The following FGF13 variants were observed in gnomAD, a reference collection of about 807,000 sequenced individuals.
FGF13 encodes fibroblast growth factor 13.
In FGF13, 2 loss-of-function variants were observed where a neutral mutation model predicts 19.5. The ratio of observed to expected loss-of-function variants is 0.10; its 90% CI spans 0.04 to 0.32. The LOEUF is 0.32. Ranked by LOEUF, FGF13 falls within the 10% of genes least tolerant of loss-of-function variation. The pLI is 1.00. For missense variants in FGF13, 113 were observed against 192.7 expected, an observed-to-expected ratio of 0.59 and a Z score of 2.45; for synonymous variants, 72 against 76.9, an observed-to-expected ratio of 0.94 and a Z score of 0.33.
At position 138,708,852 on chromosome X, in the gene FGF13, G is replaced by A. The variant is rs761994240; in HGVS notation, c.264C>T (p.Thr88=). The A allele has an allele frequency of 6.6e-6, 8 of 1,209,718 alleles. No individual in the cohort carries two copies. The highest frequency in any genetic ancestry group is 9.0e-6 in the Non-Finnish European group (8 of 893,780). ...GYHLQLQADG[T]IDGTKDEDST... is the part of the protein sequence containing the mutation. The stretch of plus-strand genomic sequence containing the variant: ...TGTCCTCATCTTTGGTGCCATCAAT[G>A]GTTCCATCCGCCTGCAGCTGCAAGT... The change falls in exon 2 of 5, where the codon ACC becomes ACT. Residue 88 remains threonine (T), a synonymous_variant. Transcript: ENST00000315930.
At chrX:139,134,070 T>C (rs2083781832) in intron 1 of FGF13, among the ~76,000 whole-genome samples, 1 of 111,507 alleles carries the variant, frequency 9.0e-6, no homozygotes, top group Non-Finnish European at 1.9e-5. Context: ...TTTCCATTTT[T>C]CCCACCTGGC....
chrX:138,876,466 T>TA (rs1432106242), intron 1 of FGF13, among the ~76,000 whole-genome samples: 14 of 112,199 alleles, frequency 1.2e-4, no homozygotes, highest in African/African-American at 4.5e-4. Flanking sequence ...CTTCAGGCCT[T>TA]AAAAAAGTAA....
At chrX:138,681,166 C>CAA (rs759043580) in intron 3 of FGF13, among the ~76,000 whole-genome samples, 2 of 40,843 alleles carry the variant, frequency 4.9e-5, no homozygotes, top group East Asian at 6.6e-4. Flanking sequence ...AGAGTGAGAC[C>CAA]AAAAAAAAAA....
intron 1 of FGF13, among the ~76,000 whole-genome samples, chrX:138,919,569 G>T (rs970745787): frequency 5.4e-5 from 6 of 111,700 alleles, no homozygotes; most frequent in Non-Finnish European, 1.1e-4. Flanking sequence ...CAACAACTTG[G>T]ATACATCTGA....
intron 1 of FGF13, among the ~76,000 whole-genome samples, chrX:139,153,208 G>C (rs1420970525): frequency 9.0e-6 from 1 of 111,048 alleles, no homozygotes; most frequent in African/African-American, 3.3e-5. Context: ...TCTACAGACA[G>C]CCAAGAATTC....
At chrX:138,836,238 T>A (rs1428619934) in intron 3 of FGF13, among the ~76,000 whole-genome samples, 1 of 112,141 alleles carries the variant, frequency 8.9e-6, no homozygotes, top group Non-Finnish European at 1.9e-5. Flanking sequence ...CCTCTCAAGC[T>A]AGGCTGGAGA....
At chrX:139,098,259 A>G (rs920381091) in intron 1 of FGF13, among the ~76,000 whole-genome samples, 57 of 111,646 alleles carry the variant, frequency 5.1e-4, no homozygotes, top group African/African-American at 1.7e-3. Context: ...ATAGGGTAGC[A>G]CATCTGTTTT....
At chrX:138,921,874 C>T (rs746699809) in intron 1 of FGF13, among the ~76,000 whole-genome samples, 14 of 106,080 alleles carry the variant, frequency 1.3e-4, no homozygotes, top group Non-Finnish European at 1.9e-4. Context: ...GAGGTAGAAC[C>T]CATGCTTCAG....
At chrX:138,723,915 T>TTTC in intron 1 of FGF13, among the ~76,000 whole-genome samples, 1 of 111,708 alleles carries the variant, frequency 9.0e-6, no homozygotes, top group Middle Eastern at 4.6e-3. Flanking sequence ...ACAACACTCC[T>TTTC]ATGAGGTAGG....
Position 138,895,340 on chromosome X carries a change from T to C in FGF13, c.-112-30690A>G, listed in dbSNP as rs190071352. On this transcript the variant is annotated intron_variant, in intron 1 of 2. Coordinates refer to the FGF13 transcript ENST00000421460. Reference sequence around the variant, plus strand: ...TTATCTGATGGGTTAATATCTAAAATGTATAGGGAATTCATACAAACAAAA... The same window carrying C: ...TTATCTGATGGGTTAATATCTAAAACGTATAGGGAATTCATACAAACAAAA... Among the ~76,000 whole-genome samples the C allele has an allele frequency of 2.9e-3, 325 of 112,054 alleles. 1 individual carries two copies. The highest frequency in any genetic ancestry group is 0.01 in the African/African-American group (316 of 30,823).
At chrX:138,805,237 T>A (rs1218250596) in intron 3 of FGF13, among the ~76,000 whole-genome samples, 4 of 111,725 alleles carry the variant, frequency 3.6e-5, no homozygotes, top group Non-Finnish European at 7.5e-5. Flanking sequence ...AAAATAAATA[T>A]ACAAGGTAAT....
chrX:138,773,234 C>T (rs2090562263), intron 3 of FGF13, among the ~76,000 whole-genome samples: 1 of 111,073 alleles, frequency 9.0e-6, no homozygotes, highest in African/African-American at 3.3e-5. Context: ...TGGCCTGTGA[C>T]CCCACAATGT....
chrX:139,159,553 G>A (rs1333260451), intron 1 of FGF13, among the ~76,000 whole-genome samples: 1 of 107,392 alleles, frequency 9.3e-6, no homozygotes, highest in Non-Finnish European at 1.9e-5. Context: ...AAAGAGTCAA[G>A]ACCCATCAGT....
At chrX:139,176,620 T>C (rs1195662821) in intron 1 of FGF13, among the ~76,000 whole-genome samples, 1 of 111,615 alleles carries the variant, frequency 9.0e-6, no homozygotes, top group Non-Finnish European at 1.9e-5. Flanking sequence ...CATTGTGTCT[T>C]TGTTCTCGTT....
intron 3 of FGF13, among the ~76,000 whole-genome samples, chrX:138,665,954 T>A (rs1481857915): frequency 9.0e-6 from 1 of 111,562 alleles, no homozygotes; most frequent in Non-Finnish European, 1.9e-5. Context: ...AGGTACATAA[T>A]CATCTGTTTC....
intron 1 of FGF13, among the ~76,000 whole-genome samples, chrX:138,920,341 TC>T (rs772049578): frequency 9.0e-6 from 1 of 111,211 alleles, no homozygotes; most frequent in South Asian, 3.8e-4. Flanking sequence ...AGAGTTTTTT[TC>T]GTAAGATTGA....
At chrX:138,969,625 A>G (rs1313099476) in intron 1 of FGF13, among the ~76,000 whole-genome samples, 1 of 111,975 alleles carries the variant, frequency 8.9e-6, no homozygotes, top group East Asian at 2.8e-4. Context: ...ATAGTTTTAT[A>G]AGAACACTGG....
chrX:138,709,300 T>C (rs1286074635), intron 1 of FGF13, among the ~76,000 whole-genome samples: 3 of 112,127 alleles, frequency 2.7e-5, no homozygotes, highest in Non-Finnish European at 5.6e-5. Flanking sequence ...AATAGAAAGA[T>C]AATTCAGAGT....
intron 1 of FGF13, among the ~76,000 whole-genome samples, chrX:139,149,106 A>C (rs749142946): frequency 8.9e-6 from 1 of 111,933 alleles, no homozygotes; most frequent in African/African-American, 3.2e-5. Context: ...GATTTGGTGA[A>C]GTATTTACAC....
Sources: gnomAD v4.1 joint callset for allele counts (sites outside exome capture counted in the v4.1 genomes callset) on GRCh38, gnomAD v4.1.1 for gene constraint, MANE v1.5 for transcripts, NCBI Gene and HGNC (gene_info 2026-07-23, HGNC 2026-07-21) for gene names.